Variants in CRYL1 observed in about 807,000 individuals in gnomAD.
The protein encoded by CRYL1 is crystallin lambda 1.
Under a neutral mutation model 36.6 loss-of-function variants are expected in CRYL1, and 29 were observed. That is an observed-to-expected ratio of 0.79 (90% CI 0.59 to 1.08). The LOEUF (loss-of-function observed/expected upper bound fraction) is 1.08. Among genes scored for constraint, CRYL1 ranks in the 50% least tolerant of loss-of-function variants. CRYL1 has a pLI of 0.00. For missense variants in CRYL1, 411 were observed against 407.9 expected, an observed-to-expected ratio of 1.01 and a Z score of -0.06; for synonymous variants, 152 against 151.5, an observed-to-expected ratio of 1.00 and a Z score of -0.02.
intron 6 of CRYL1, among the ~76,000 whole-genome samples, chr13:20,405,185 C>T (rs993997073): frequency 3.3e-5 from 5 of 152,010 alleles, no homozygotes; most frequent in Admixed American, 6.5e-5. Flanking sequence ...GCAGAAGAAT[C>T]GCTTGAACCC....
At chr13:20,471,820 CCT>C (rs1332677971) in intron 3 of CRYL1, among the ~76,000 whole-genome samples, 2 of 150,682 alleles carry the variant, frequency 1.3e-5, no homozygotes, top group Admixed American at 6.6e-5. Context: ...TCTTTCTTTC[CCT>C]CTCTCTCTCT....
chr13:20,453,871 ATAAT>A (rs1212226621), intron 3 of CRYL1, among the ~76,000 whole-genome samples: 1 of 152,218 alleles, frequency 6.6e-6, no homozygotes, highest in African/African-American at 2.4e-5. Context: ...AATATTATGA[ATAAT>A]TATTTATGCC....
intron 3 of CRYL1, among the ~76,000 whole-genome samples, chr13:20,451,049 C>G (rs1291438824): frequency 2.4e-5 from 3 of 124,002 alleles, no homozygotes; most frequent in African/African-American, 9.4e-5. Context: ...CATCACACAC[C>G]GGGCCTGTCG....
intron 7 of CRYL1, 130 bp downstream of exon 7, chr13:20,404,505 G>A (rs2031312833): frequency 1.5e-6 from 1 of 684,204 alleles, no homozygotes; most frequent in African/African-American, 1.8e-5. Context: ...TTATGAATGA[G>A]GAACCACCAA....
intron 6 of CRYL1, among the ~76,000 whole-genome samples, chr13:20,410,734 G>A (rs1329016060): frequency 6.6e-6 from 1 of 152,218 alleles, no homozygotes; most frequent in Non-Finnish European, 1.5e-5. Flanking sequence ...CAGCAATCCA[G>A]CTAAGAGCTT....
chr13:20,418,633 C>T (rs774355626), intron 5 of CRYL1: 1 of 152,182 alleles, frequency 6.6e-6, no homozygotes, highest in Non-Finnish European at 1.5e-5. Flanking sequence ...TTTCTTCATA[C>T]CATTCTTCCT....
In CRYL1 at chr13:20,471,352, C is replaced by T. The variant is rs189605904; in HGVS notation, c.276+18018G>A. 2.3e-4 allele frequency among the ~76,000 whole-genome samples: 35 copies of T among 152,264 alleles called. 1 individual carries two copies. The highest frequency in any genetic ancestry group is 4.1e-4 in the Non-Finnish European group (28 of 68,014). On this transcript the variant is annotated intron_variant, in intron 3 of 7. Transcript: ENST00000298248. ...CTTTGGGAGGCCGAGGCAGGTGGAT[C>T]ACGAGGTCAGGAGATTGAGACCATC...
At chr13:20,499,455 T>A (rs1269205883) in intron 2 of CRYL1, among the ~76,000 whole-genome samples, 1 of 150,590 alleles carries the variant, frequency 6.6e-6, no homozygotes, top group Non-Finnish European at 1.5e-5. Context: ...GAGACTATCC[T>A]GGCTAACACG....
intron 5 of CRYL1, chr13:20,426,984 C>T (rs2031947755): frequency 1.7e-5 from 17 of 985,710 alleles, no homozygotes; most frequent in Non-Finnish European, 2.0e-5. Context: ...TCACCACCAA[C>T]TCACACCAGC....
chr13:20,505,511 T>C (rs940967518), intron 2 of CRYL1, among the ~76,000 whole-genome samples: 15 of 152,170 alleles, frequency 9.9e-5, no homozygotes, highest in African/African-American at 3.6e-4. Flanking sequence ...GTCAAAACAA[T>C]TGCTGAGCTA....
chr13:20,491,254 A>C (rs965436722), intron 2 of CRYL1, among the ~76,000 whole-genome samples: 1 of 151,492 alleles, frequency 6.6e-6, no homozygotes, highest in Non-Finnish European at 1.5e-5. Context: ...TGTTTTTCTC[A>C]TATAAGTAAT....
intron 6 of CRYL1, among the ~76,000 whole-genome samples, chr13:20,407,517 C>T (rs554224674): frequency 6.6e-6 from 1 of 152,102 alleles, no homozygotes; most frequent in Admixed American, 6.5e-5. Flanking sequence ...CTCTAAAATG[C>T]CAATTTCTTT....
At chr13:20,459,488 G>T (rs1030704645) in intron 3 of CRYL1, among the ~76,000 whole-genome samples, 1 of 152,068 alleles carries the variant, frequency 6.6e-6, no homozygotes, top group Non-Finnish European at 1.5e-5. Flanking sequence ...AGAAAATGTG[G>T]TACATATACA....
chr13:20,434,621 C>T (rs2032166365), intron 4 of CRYL1, among the ~76,000 whole-genome samples: 1 of 146,598 alleles, frequency 6.8e-6, no homozygotes, highest in Non-Finnish European at 1.5e-5. Flanking sequence ...CCACCCACAC[C>T]CCTACACCCC....
At chr13:20,488,323 C>G (rs1265726547) in intron 3 of CRYL1, among the ~76,000 whole-genome samples, 2 of 152,116 alleles carry the variant, frequency 1.3e-5, no homozygotes, top group Non-Finnish European at 2.9e-5. Context: ...AAAGTCCCTT[C>G]AACTTCATAC....
chr13:20,485,677 A>G (rs1371388186), intron 3 of CRYL1, among the ~76,000 whole-genome samples: 3 of 129,570 alleles, frequency 2.3e-5, no homozygotes, highest in African/African-American at 1.1e-4. Flanking sequence ...TCAAAGAAAA[A>G]AGAAAGATAG....
intron 1 of CRYL1, among the ~76,000 whole-genome samples, chr13:20,517,690 G>A (rs1021788105): frequency 9.2e-5 from 14 of 151,934 alleles, no homozygotes; most frequent in South Asian, 2.1e-4. Flanking sequence ...TAATCCCAGC[G>A]CTTTGGGAGG....
Position 20,403,749 on chromosome 13 carries a change from A to G in CRYL1, c.*380T>C, listed in dbSNP as rs2031287524. 1 of 159,896 alleles carries G rather than the reference A, an allele frequency of 6.3e-6. No homozygotes were observed. The highest frequency in any genetic ancestry group is 2.4e-5 in the African/African-American group (1 of 41,644). The allele number at this position is 159,896 out of a possible 1,614,324, so 9.9% of individuals were successfully genotyped here. A position where few individuals can be genotyped will look rare whatever the true frequency, so the allele number is the denominator to read the frequency against. The stretch of plus-strand genomic sequence containing the variant: ...GTGCCTCATAAATGCAGGGCCCCAG[A>G]GTACTCAGAAAGGGATTAGAAAATA... On this transcript the variant is annotated 3_prime_UTR_variant, in exon 8 of 8. Transcript: ENST00000298248.
At chr13:20,438,868 C>T (rs1279271105) in intron 4 of CRYL1, among the ~76,000 whole-genome samples, 5 of 152,326 alleles carry the variant, frequency 3.3e-5, no homozygotes, top group Middle Eastern at 3.4e-3. Flanking sequence ...GCTCAAACGT[C>T]GTTCACTGAA....
Sources: gnomAD v4.1 joint callset for allele counts (sites outside exome capture counted in the v4.1 genomes callset) on GRCh38, gnomAD v4.1.1 for gene constraint, MANE v1.5 for transcripts, NCBI Gene and HGNC (gene_info 2026-07-23, HGNC 2026-07-21) for gene names.